INO80: variants seen among roughly 807,000 people sequenced by gnomAD.
INO80 encodes the protein chromatin-remodeling ATPase INO80.
INO80 carries 20 observed loss-of-function variants against 203.4 expected under a neutral mutation model. The observed-to-expected ratio is 0.10, with a 90% CI of 0.07 to 0.14. The LOEUF (loss-of-function observed/expected upper bound fraction) is 0.14, where lower values mean the gene tolerates loss of function less well. INO80 is among the 10% of genes least tolerant of loss of function. INO80 has a pLI of 1.00. For missense variants in INO80, 1,419 were observed against 1,914.4 expected (o/e 0.74, Z 4.83); for synonymous variants, 726 against 685.2 (o/e 1.06, Z -0.93).
intron 29 of INO80, among the ~76,000 whole-genome samples, chr15:40,988,250 T>A (rs2043767977): frequency 6.6e-6 from 1 of 152,210 alleles, no homozygotes; most frequent in Non-Finnish European, 1.5e-5. Context: ...AGTACATTAA[T>A]AACATTAACG....
chr15:41,012,917 G>A (rs755073046), intron 27 of INO80: 8 of 152,272 alleles, frequency 5.3e-5, no homozygotes, highest in African/African-American at 1.4e-4. Context: ...AAAAGGAAGC[G>A]ATCAATGACT....
At chr15:41,091,429 CAT>C (rs1379377533) in intron 5 of INO80, among the ~76,000 whole-genome samples, 1 of 152,054 alleles carries the variant, frequency 6.6e-6, no homozygotes, top group African/African-American at 2.4e-5. Context: ...CACGGGTAAA[CAT>C]GTGCCATGTG....
chr15:41,058,130 G>A (rs12324153), intron 16 of INO80, among the ~76,000 whole-genome samples: 1,578 of 152,132 alleles, frequency 0.01, 32 homozygotes, highest in African/African-American at 0.037. Flanking sequence ...CTCCTACTTA[G>A]AACTCCTATC....
chr15:41,113,958 T>C (rs143499252), intron 1 of INO80, among the ~76,000 whole-genome samples: 9 of 152,302 alleles, frequency 5.9e-5, no homozygotes, highest in African/African-American at 2.2e-4. Context: ...GCTAAAATGA[T>C]GGAATTCAAT....
chr15:41,038,587 CCT>C (rs2044618108), intron 24 of INO80, among the ~76,000 whole-genome samples: 1 of 152,124 alleles, frequency 6.6e-6, no homozygotes, highest in Admixed American at 6.6e-5. Context: ...CCCTCTGGAT[CCT>C]CTCTTGAACT....
At chr15:41,051,478 C>A (rs2044869933) in intron 19 of INO80, among the ~76,000 whole-genome samples, 1 of 150,814 alleles carries the variant, frequency 6.6e-6, no homozygotes, top group African/African-American at 2.4e-5. Context: ...AGGAACCATA[C>A]TAGATCTTCA....
chr15:41,019,560 GAAGT>G (rs1307534020), intron 26 of INO80: 3 of 152,324 alleles, frequency 2.0e-5, no homozygotes, highest in South Asian at 4.1e-4. Context: ...GGAGAAAAAA[GAAGT>G]AAGGTGCTAT....
chr15:41,082,004 C>A (rs1317608256), intron 7 of INO80, among the ~76,000 whole-genome samples: 1 of 151,980 alleles, frequency 6.6e-6, no homozygotes, highest in East Asian at 1.9e-4. Flanking sequence ...AATCCCAGCA[C>A]TTTGGGAGGC....
chr15:41,016,040 C>T (rs753604722), intron 27 of INO80, 48 bp downstream of exon 27: 40 of 1,512,852 alleles, frequency 2.6e-5, no homozygotes, highest in Non-Finnish European at 3.6e-5. Context: ...CTGATTCCTA[C>T]AAATTAAATG....
At chr15:41,015,622 T>G (rs1034440996) in intron 27 of INO80, among the ~76,000 whole-genome samples, 1 of 151,968 alleles carries the variant, frequency 6.6e-6, no homozygotes, top group Non-Finnish European at 1.5e-5. Context: ...GCTCCCTTTA[T>G]AGATTGTAAA....
intron 24 of INO80, among the ~76,000 whole-genome samples, chr15:41,031,254 A>T (rs2044457209): frequency 6.6e-6 from 1 of 152,006 alleles, no homozygotes; most frequent in African/African-American, 2.4e-5. Context: ...TCATGTAGCA[A>T]CATGAACTGC....
intron 24 of INO80, among the ~76,000 whole-genome samples, chr15:41,044,092 C>T (rs1315085308): frequency 6.6e-6 from 1 of 152,102 alleles, no homozygotes; most frequent in African/African-American, 2.4e-5. Flanking sequence ...TCTCACATAC[C>T]GTAGGTGCAA....
chr15:41,108,399 C>T (rs1403672879), intron 1 of INO80, among the ~76,000 whole-genome samples: 1 of 151,324 alleles, frequency 6.6e-6, no homozygotes, highest in Admixed American at 6.6e-5. Context: ...ACCATTCTGG[C>T]TAACACCAGT....
chr15:40,982,033 T>C (rs1893850534), intron 35 of INO80, among the ~76,000 whole-genome samples: 1 of 152,228 alleles, frequency 6.6e-6, no homozygotes, highest in Admixed American at 6.5e-5. Flanking sequence ...GTGGCTGCCT[T>C]CTTTTCATTC....
intron 5 of INO80, among the ~76,000 whole-genome samples, chr15:41,091,650 C>CTTTT (rs746421749): frequency 1.6e-4 from 14 of 88,290 alleles, no homozygotes; most frequent in African/African-American, 3.6e-4. Flanking sequence ...TGATGTATCT[C>CTTTT]TTTTTTTTTT....
At chr15:40,996,450 T>C (rs576585569) in intron 29 of INO80, among the ~76,000 whole-genome samples, 29 of 152,152 alleles carry the variant, frequency 1.9e-4, no homozygotes, top group African/African-American at 6.5e-4. Flanking sequence ...ACCTCCCGAG[T>C]AGCTGGGACT....
chr15:41,087,474 T>C (rs1596319485), intron 6 of INO80, 88 bp downstream of exon 6: 1 of 1,378,456 alleles, frequency 7.3e-7, no homozygotes, highest in East Asian at 2.3e-5. Flanking sequence ...CATATGGACT[T>C]ATATATAAAG....
At chr15:41,024,490 C>G (rs2044346076) in intron 25 of INO80, 1 of 152,202 alleles carries the variant, frequency 6.6e-6, no homozygotes, top group African/African-American at 2.4e-5. Flanking sequence ...CCTACAGGAG[C>G]TAACCCCTTT....
chr15:41,011,459 G>A (rs1468752731), intron 27 of INO80: 5 of 152,118 alleles, frequency 3.3e-5, no homozygotes, highest in Non-Finnish European at 5.9e-5. Flanking sequence ...CTCAAAGGTA[G>A]CATGGAGGAA....
Sources: allele counts gnomAD v4.1 joint callset (sites outside exome capture counted in the v4.1 genomes callset), GRCh38; gene constraint gnomAD v4.1.1; transcripts MANE v1.5; gene names NCBI Gene and HGNC (gene_info 2026-07-23, HGNC 2026-07-21).